Variants in GRIA3 observed in about 807,000 individuals in gnomAD.
GRIA3 encodes the protein glutamate ionotropic receptor AMPA type subunit 3.
In GRIA3, 3 loss-of-function variants were observed where a neutral mutation model predicts 63.0. The observed-to-expected ratio is 0.05, with a 90% CI of 0.02 to 0.12. The LOEUF (loss-of-function observed/expected upper bound fraction) is 0.12, where lower values mean the gene tolerates loss of function less well. GRIA3 is among the 10% of genes least tolerant of loss of function. The pLI, the probability that GRIA3 is intolerant of heterozygous loss-of-function variation, is 1.00. For synonymous variants in GRIA3, 274 were observed against 257.9 expected, an observed-to-expected ratio of 1.06 and a Z score of -0.60; for missense variants, 347 against 700.9, an observed-to-expected ratio of 0.50 and a Z score of 5.70.
At chrX:123,235,808 C>T (rs920229281) in intron 2 of GRIA3, among the ~76,000 whole-genome samples, 1 of 101,091 alleles carries the variant, frequency 9.9e-6, no homozygotes, top group African/African-American at 3.7e-5. Context: ...AGAGTGATTC[C>T]GGTGGCCAGA....
intron 4 of GRIA3, among the ~76,000 whole-genome samples, chrX:123,354,682 G>A (rs1012271793): frequency 9.0e-5 from 10 of 111,321 alleles, no homozygotes; most frequent in African/African-American, 2.9e-4. Flanking sequence ...TGACCTGAAA[G>A]TTTAGGGAGT....
At chrX:123,230,751 A>G (rs5956526) in intron 2 of GRIA3, among the ~76,000 whole-genome samples, 79 of 112,172 alleles carry the variant, frequency 7.0e-4, no homozygotes, top group Middle Eastern at 4.6e-3. Flanking sequence ...CTGTGGATAC[A>G]AAGATGGCTA....
intron 4 of GRIA3, among the ~76,000 whole-genome samples, chrX:123,328,560 G>T (rs926465586): frequency 9.0e-6 from 1 of 111,708 alleles, no homozygotes; most frequent in African/African-American, 3.3e-5. Context: ...TGTTTTCTCT[G>T]CCATTTAAGG....
chrX:123,200,723 G>A (rs1206172242), intron 2 of GRIA3, among the ~76,000 whole-genome samples: 2 of 109,674 alleles, frequency 1.8e-5, no homozygotes, highest in Non-Finnish European at 3.8e-5. Context: ...TTCCTCTAAT[G>A]CCTACATTCT....
At chrX:123,201,965 T>C (rs1434546525) in intron 2 of GRIA3, among the ~76,000 whole-genome samples, 1 of 112,247 alleles carries the variant, frequency 8.9e-6, no homozygotes, top group East Asian at 2.8e-4. Flanking sequence ...TAGCACATGG[T>C]CTTTCTTTGA....
intron 2 of GRIA3, among the ~76,000 whole-genome samples, chrX:123,209,559 C>T (rs1172118252): frequency 1.8e-5 from 2 of 111,721 alleles, no homozygotes; most frequent in Non-Finnish European, 1.9e-5. Flanking sequence ...AACTGAAATG[C>T]CCACCTAAAC....
At chrX:123,359,090 C>G (rs2045152420) in intron 5 of GRIA3, among the ~76,000 whole-genome samples, 1 of 111,657 alleles carries the variant, frequency 9.0e-6, no homozygotes, top group Non-Finnish European at 1.9e-5. Context: ...CTGTAAAATG[C>G]AGACGTAGAC....
At chrX:123,485,895 G>T (rs1169798764) in intron 15 of GRIA3, among the ~76,000 whole-genome samples, 1 of 111,231 alleles carries the variant, frequency 9.0e-6, no homozygotes, top group Non-Finnish European at 1.9e-5. Flanking sequence ...CAGCAGGTCT[G>T]GGATGGGGCC....
intron 12 of GRIA3, among the ~76,000 whole-genome samples, chrX:123,463,153 T>C (rs1438072693): frequency 9.0e-6 from 1 of 111,080 alleles, no homozygotes. Context: ...AAAGACTCTA[T>C]TGACTCTATT....
chrX:123,208,251 A>G (rs1470301416), intron 2 of GRIA3, among the ~76,000 whole-genome samples: 1 of 112,150 alleles, frequency 8.9e-6, no homozygotes, highest in Non-Finnish European at 1.9e-5. Context: ...ATATTACCAG[A>G]CAGCAGGATA....
chrX:123,387,039 T>C (rs1424912939), intron 5 of GRIA3, among the ~76,000 whole-genome samples: 2 of 111,893 alleles, frequency 1.8e-5, no homozygotes, highest in African/African-American at 6.5e-5. Context: ...AATCTGTAGA[T>C]TGTTTTGAGT....
chrX:123,362,346 G>A (rs1464018967), intron 5 of GRIA3, among the ~76,000 whole-genome samples: 1 of 111,645 alleles, frequency 9.0e-6, no homozygotes, highest in Non-Finnish European at 1.9e-5. Context: ...TCTGCATAGT[G>A]TAGCCAGAGA....
intron 3 of GRIA3, among the ~76,000 whole-genome samples, chrX:123,305,413 C>A (rs1211652528): frequency 8.9e-6 from 1 of 112,120 alleles, no homozygotes; most frequent in Admixed American, 9.5e-5. Flanking sequence ...ACTATATTAT[C>A]TGTATATGTT....
In GRIA3 at chrX:123,260,422, C is replaced by CAGAAAGAAAGAAAGAA. The variant is rs764729147; in HGVS notation, c.508+6883_508+6884insAAGAAAGAAAGAAAGA. On this transcript the variant is annotated intron_variant, in intron 3 of 15. Transcript: ENST00000620443. ...AAAGAAAGACAGACAGACAGACAGA[C>CAGAAAGAAAGAAAGAA]AGACAGAAAGAAAGAAAGAAAGAAA... 5.5e-3 allele frequency among the ~76,000 whole-genome samples: 32 copies of CAGAAAGAAAGAAAGAA among 5,823 alleles called. 8 individuals carry two copies. The highest frequency in any genetic ancestry group is 0.012 in the Non-Finnish European group (31 of 2,525). The allele number at this position is 5,823 out of a possible 115,157, so 5.1% of individuals were successfully genotyped here.
At chrX:123,440,659 ATTTG>A (rs946542932) in intron 12 of GRIA3, among the ~76,000 whole-genome samples, 1 of 112,612 alleles carries the variant, frequency 8.9e-6, no homozygotes, top group African/African-American at 3.2e-5. Flanking sequence ...TCTCTTATAA[ATTTG>A]TTTAACTGCC....
chrX:123,288,655 CAT>C (rs1197863268), intron 3 of GRIA3, among the ~76,000 whole-genome samples: 1 of 111,039 alleles, frequency 9.0e-6, no homozygotes, highest in Non-Finnish European at 1.9e-5. Context: ...GGCCAACAAA[CAT>C]ATGAAAAAAA....
chrX:123,442,069 G>A (rs2045677076), intron 12 of GRIA3, among the ~76,000 whole-genome samples: 1 of 112,134 alleles, frequency 8.9e-6, no homozygotes, highest in African/African-American at 3.2e-5. Context: ...ATACAATACG[G>A]ATACGTGGAA....
At position 123,402,254 on chromosome X, in the gene GRIA3, T is replaced by C. The variant is rs2045447188; in HGVS notation, c.1081-740T>C. On this transcript the variant is annotated intron_variant, in intron 7 of 15. Transcript: ENST00000620443. ...GAGGGAAAGCTCATCCCTGTCACTG[T>C]AGTAGCTGGCAAATGTGTAACCCTC... Among the ~76,000 whole-genome samples, 3 of 111,207 alleles carry C rather than the reference T, an allele frequency of 2.7e-5. No individual in the cohort carries two copies. The Admixed American group carries it at 2.9e-4, about 11-fold the overall frequency.
chrX:123,318,271 C>T (rs1310992010), intron 3 of GRIA3, among the ~76,000 whole-genome samples: 3 of 112,092 alleles, frequency 2.7e-5, no homozygotes, highest in Admixed American at 9.4e-5. Context: ...ACATTTTCCC[C>T]CCATGGTCTT....
Sources: allele counts gnomAD v4.1 joint callset (sites outside exome capture counted in the v4.1 genomes callset), GRCh38; gene constraint gnomAD v4.1.1; transcripts MANE v1.5; gene names NCBI Gene and HGNC (gene_info 2026-07-23, HGNC 2026-07-21).